Variants in FANCD2 observed in about 807,000 individuals in gnomAD.
The protein encoded by FANCD2 is Fanconi anemia group D2 protein.
Under a neutral mutation model 192.3 loss-of-function variants are expected in FANCD2, and 131 were observed. That is an observed-to-expected ratio of 0.68 (90% CI 0.59 to 0.79). The LOEUF is 0.79. Ranked by LOEUF, FANCD2 falls within the 30% of genes least tolerant of loss-of-function variation. The pLI is 0.00. For synonymous variants in FANCD2, 524 were observed against 612.5 expected (o/e 0.86, Z 2.13); for missense variants, 1,508 against 1,701.6 (o/e 0.89, Z 2.00).
chr3:10,095,433 A>T lies in FANCD2; in HGVS notation c.4038+159A>T, dbSNP rs180708527. On this transcript the variant is annotated intron_variant, in intron 41 of 43. Coordinates refer to ENST00000675286, the MANE Select transcript of FANCD2 (RefSeq NM_001018115.3). Reference sequence around the variant, plus strand: ...AGCAAATCCTTAGTTGCTCCTTGAGATTGGGCAGTCCTCTAGAGGGGAATC... The same window carrying T: ...AGCAAATCCTTAGTTGCTCCTTGAGTTTGGGCAGTCCTCTAGAGGGGAATC... The T allele has an allele frequency of 2.8e-5, 19 of 683,538 alleles. No individual in the cohort carries two copies. The African/African-American group carries it at 2.8e-4, about 10-fold the overall frequency. The allele number at this position is 683,538 out of a possible 1,614,324, so 42.3% of individuals were successfully genotyped here.
Position 10,062,227 on chromosome 3 carries a change from C to A in FANCD2, c.1827+16C>A. Reference sequence around the variant, plus strand: ...GTGCACACAGGTGAGTTCTTTTTTTCCTTTCTTTCTTTTTCCTGTCTTTTT... The same window carrying A: ...GTGCACACAGGTGAGTTCTTTTTTTACTTTCTTTCTTTTTCCTGTCTTTTT... On this transcript the variant is annotated intron_variant, in intron 20 of 43. Coordinates refer to ENST00000675286, the MANE Select transcript of FANCD2 (RefSeq NM_001018115.3). The A allele has an allele frequency of 6.2e-7, 1 of 1,606,364 alleles. No individual in the cohort carries two copies. The highest frequency in any genetic ancestry group is 1.7e-5 in the Admixed American group (1 of 59,584).
At chr3:10,085,747 C>A in intron 32 of FANCD2, 65 bp from the exon 33 acceptor site, 1 of 1,028,332 alleles carries the variant, frequency 9.7e-7, no homozygotes, top group Non-Finnish European at 1.5e-6. Flanking sequence ...AGGCCAGGAT[C>A]CTTAAATACT....
chr3:10,032,845 A>C lies in FANCD2; in HGVS notation c.78A>C (p.Gln26His), dbSNP rs45510294. 1,688 of 1,613,120 alleles carry C rather than the reference A, an allele frequency of 1.0e-3. 3 individuals are homozygous for C. The highest frequency in any genetic ancestry group is 1.3e-3 in the Non-Finnish European group (1,491 of 1,179,426). The stretch of plus-strand genomic sequence containing the variant: ...TTCTATTTTCAGAAACCAGGAAGCA[A>C]CCACTTTCCAAAAAGACAAAGAAAT... ...LTEDASKTRK[Q>H]PLSKKTKKSH... The change falls in exon 3 of 44, where the codon CAA becomes CAC. Residue 26 changes from glutamine to histidine, a missense_variant. By Grantham distance (24) the Gln-to-His change is conservative (BLOSUM62 0). Coordinates refer to ENST00000675286, the MANE Select transcript of FANCD2 (RefSeq NM_001018115.3).
chr3:10,085,885 CAGGG>C lies in FANCD2; in HGVS notation c.3301_3304del (p.Gly1101AsnfsTer37), dbSNP rs748843683. On this transcript the variant is annotated frameshift_variant, in exon 33 of 44. Coordinates refer to ENST00000675286, the MANE Select transcript of FANCD2 (RefSeq NM_001018115.3). LOFTEE classifies it high-confidence loss of function. ...CCATGTCCTTAGTAGCCGACTGAAA[CAGGG>C]AGAACACAGCCAGCCTTTGGAGGAA... The C allele has an allele frequency of 1.2e-6, 2 of 1,613,554 alleles. No homozygotes were observed. The highest frequency in any genetic ancestry group is 3.3e-5 in the Admixed American group (2 of 59,998).
In FANCD2 at chr3:10,081,389, T is replaced by A. The variant is rs751027444; in HGVS notation, c.3149T>A (p.Val1050Glu). 13 of 1,613,884 alleles carry A rather than the reference T, an allele frequency of 8.1e-6. No individual in the cohort carries two copies. The East Asian group carries it at 2.9e-4, about 36-fold the overall frequency. Reference sequence around the variant, plus strand: ...CACGGTGTAGTTGATGGACCAGGAGTGAAAGTTCAGGAGTACCACATAATG... The same window carrying A: ...CACGGTGTAGTTGATGGACCAGGAGAGAAAGTTCAGGAGTACCACATAATG... Reference protein sequence around the residue: ...ENHGVVDGPGVKVQEYHIMSS... With the variant: ...ENHGVVDGPGEKVQEYHIMSS... Residue 1050 changes from valine to glutamate, a missense_variant, in exon 32 of 44, where the codon GTG becomes GAG. Physicochemically the swap from Val to Glu is moderately radical, Grantham distance 121. Around this residue, in one of 5 missense-constraint regions of FANCD2, gnomAD observed 796 missense variants for 879.4 expected, o/e 0.91. Coordinates refer to ENST00000675286, the MANE Select transcript of FANCD2 (RefSeq NM_001018115.3).
intron 2 of FANCD2, among the ~76,000 whole-genome samples, chr3:10,030,075 C>T (rs1487140113): frequency 6.7e-6 from 1 of 149,878 alleles, no homozygotes; most frequent in Non-Finnish European, 1.5e-5. Context: ...GCTTGAGCCA[C>T]CACGCCTGGC....
At chr3:10,069,462 TC>T (rs1203358989) in intron 26 of FANCD2, among the ~76,000 whole-genome samples, 2 of 121,548 alleles carry the variant, frequency 1.6e-5, no homozygotes, top group Non-Finnish European at 3.2e-5. Flanking sequence ...TTAAGATGCC[TC>T]TCCCCCTCCC....
At position 10,064,764 on chromosome 3, in the gene FANCD2, T is replaced by C. The variant is rs769950147; in HGVS notation, c.2057T>C (p.Leu686Pro). 4.3e-6 allele frequency: 7 copies of C among 1,614,066 alleles called. No individual in the cohort carries two copies. Among genetic ancestry groups the C allele is most frequent in the Non-Finnish European group, 5.1e-6 (6 of 1,179,974 alleles). Residue 686 changes from leucine (L) to proline (P), a missense_variant, in exon 23 of 44, where the codon CTG becomes CCG. Transcript: ENST00000675286. ...TTTCCTGTGAAAGCACTGTACGGAC[T>C]GGAAGAATACGACACTCAGGATGGG... ...FPFPVKALYG[L>P]EEYDTQDGIA...
Position 10,038,579 on chromosome 3 carries a change from C to CTTTTTTTT in FANCD2, c.492-689_492-682dup, listed in dbSNP as rs573306335. Among the ~76,000 whole-genome samples, 56 of 128,940 alleles carry CTTTTTTTT rather than the reference C, an allele frequency of 4.3e-4. 4 individuals carry two copies. Among genetic ancestry groups the CTTTTTTTT allele is most frequent in the African/African-American group, 1.7e-3 (54 of 32,416 alleles). 84.6% of individuals were successfully genotyped at this position (128,940 alleles called of 152,430 possible). ...ATGTTCCCTTAGCAATATATGCTTGCTTTTTTTTTTTTTTTTTTGAGACAG... is the reference window on the plus strand; with the variant it reads ...ATGTTCCCTTAGCAATATATGCTTGCTTTTTTTTTTTTTTTTTTTTTTTTTTGAGACAG... On this transcript the variant is annotated intron_variant, in intron 7 of 43. Coordinates refer to ENST00000675286, the MANE Select transcript of FANCD2 (RefSeq NM_001018115.3).
intron 14 of FANCD2, among the ~76,000 whole-genome samples, chr3:10,044,523 T>C (rs2086948445): frequency 6.6e-6 from 1 of 151,954 alleles, no homozygotes; most frequent in African/African-American, 2.4e-5. Flanking sequence ...CAAAAAAAAT[T>C]AGCCTGGCCT....
intron 19 of FANCD2, among the ~76,000 whole-genome samples, chr3:10,061,163 C>G (rs1157859070): frequency 1.3e-5 from 2 of 152,216 alleles, no homozygotes; most frequent in South Asian, 2.1e-4. Flanking sequence ...CTTCGGCATA[C>G]AGCATACATC....
chr3:10,051,241 C>T (rs1208735688), intron 17 of FANCD2, among the ~76,000 whole-genome samples: 3 of 149,732 alleles, frequency 2.0e-5, no homozygotes, highest in African/African-American at 5.0e-5. Context: ...ATTAGCCGGG[C>T]GTAGTGGTGG....
chr3:10,096,924 T>C (rs927830131), intron 42 of FANCD2, among the ~76,000 whole-genome samples: 1 of 152,208 alleles, frequency 6.6e-6, no homozygotes, highest in Non-Finnish European at 1.5e-5. Flanking sequence ...TAGGTTCTTT[T>C]CTATTTTCCT....
Position 10,052,380 on chromosome 3 carries a change from T to A in FANCD2, c.1546-7T>A, listed in dbSNP as rs548887691. 119 of 1,572,300 alleles carry A rather than the reference T, an allele frequency of 7.6e-5. 1 individual carries two copies. In the East Asian group the frequency reaches 2.6e-3, roughly 35 times the overall value. On this transcript the variant is annotated splice_polypyrimidine_tract_variant and splice_region_variant and intron_variant, in intron 17 of 43. Transcript: ENST00000675286. ...TAGCCTCATTGTTGGCATCATTTTT[T>A]CCACAGGGCATTTTAGATTATCTGG...
At chr3:10,028,791 C>T in intron 2 of FANCD2, 70 bp downstream of exon 2, 2 of 1,313,410 alleles carry the variant, frequency 1.5e-6, no homozygotes, top group East Asian at 2.3e-5. Context: ...ATATAAAGTT[C>T]CTGCTTTTCA....
chr3:10,081,082 ACT>A lies in FANCD2; in HGVS notation c.2977-15_2977-14del, dbSNP rs1693808366. On this transcript the variant is annotated splice_polypyrimidine_tract_variant and intron_variant, in intron 30 of 43. Coordinates refer to ENST00000675286, the MANE Select transcript of FANCD2 (RefSeq NM_001018115.3). ...CTATCCAGCAGTTTCTTCACTCATAACTCTGCATTTATTATAGAACAAAGGAA... is the reference window on the plus strand; with the variant it reads ...CTATCCAGCAGTTTCTTCACTCATAACTGCATTTATTATAGAACAAAGGAA... 1 of 1,613,894 alleles carries A rather than the reference ACT, an allele frequency of 6.2e-7. No individual in the cohort carries two copies. Among genetic ancestry groups the A allele is most frequent in the Non-Finnish European group, 8.5e-7 (1 of 1,179,992 alleles).
intron 26 of FANCD2, among the ~76,000 whole-genome samples, chr3:10,070,899 A>T (rs1046212597): frequency 3.4e-5 from 5 of 146,918 alleles, no homozygotes; most frequent in African/African-American, 1.3e-4. Flanking sequence ...GCGGTGCAAG[A>T]TGTGCTTTGT....
In FANCD2 at chr3:10,069,493, C is replaced by G. The variant is rs1268590745; in HGVS notation, c.2494+2176C>G. ...CCTCCCCCTCCCCCTCCCCCTCTCC[C>G]GTCTCCCTCTGATGCCGAGCCAAAG... On this transcript the variant is annotated intron_variant, in intron 26 of 43. Transcript: ENST00000675286. 3.0e-5 allele frequency among the ~76,000 whole-genome samples: 4 copies of G among 134,508 alleles called. 1 individual carries two copies. The highest frequency in any genetic ancestry group is 1.0e-4 in the African/African-American group (3 of 29,080). 88.2% of individuals were successfully genotyped at this position (134,508 alleles called of 152,430 possible). A position where few individuals can be genotyped will look rare whatever the true frequency, so the allele number is the denominator to read the frequency against.
chr3:10,060,228 G>T, intron 18 of FANCD2, 66 bp from the exon 19 acceptor site: 2 of 1,097,350 alleles, frequency 1.8e-6, no homozygotes, highest in South Asian at 1.3e-5. Context: ...TATATGGCTC[G>T]ATATCCATAC....
Sources: allele counts gnomAD v4.1 joint callset (sites outside exome capture counted in the v4.1 genomes callset), GRCh38; gene constraint gnomAD v4.1.1; regional missense constraint gnomAD v4.1.1; transcripts MANE v1.5; gene names NCBI Gene and HGNC (gene_info 2026-07-23, HGNC 2026-07-21).